GAS2: variants seen among roughly 807,000 people sequenced by gnomAD.
GAS2 encodes growth arrest specific 2, also known as growth arrest-specific protein 2.
GAS2 carries 20 observed loss-of-function variants against 37.5 expected under a neutral mutation model. The observed-to-expected ratio is 0.53, with a 90% CI of 0.37 to 0.77. The LOEUF is 0.77. Among genes scored for constraint, GAS2 ranks in the 30% least tolerant of loss-of-function variants. The probability of loss-of-function intolerance (pLI) is 0.00; values close to 1 mark genes in which losing one functional copy is unlikely to be tolerated. For missense variants in GAS2, 336 were observed against 373.4 expected, an observed-to-expected ratio of 0.90 and a Z score of 0.82; for synonymous variants, 144 against 132.2, an observed-to-expected ratio of 1.09 and a Z score of -0.61.
At chr11:22,633,665 T>C (rs1858777588) in intron 1 of GAS2, among the ~76,000 whole-genome samples, 1 of 151,912 alleles carries the variant, frequency 6.6e-6, no homozygotes, top group Admixed American at 6.6e-5. Context: ...TGGAGAAGCT[T>C]TCAGTGAAAT....
intron 2 of GAS2, among the ~76,000 whole-genome samples, chr11:22,685,151 G>A (rs1010867594): frequency 6.6e-6 from 1 of 151,970 alleles, no homozygotes; most frequent in African/African-American, 2.4e-5. Flanking sequence ...GCGTGACAGA[G>A]TACAATCCTG....
rs946435297 is a variant in GAS2 at position 22,691,784 on chromosome 11, A to G, written c.267+5995A>G. Among the ~76,000 whole-genome samples the G allele has an allele frequency of 6.6e-5, 10 of 152,210 alleles. 1 individual carries two copies. The highest frequency in any genetic ancestry group is 6.5e-5 in the Admixed American group (1 of 15,268). On this transcript the variant is annotated intron_variant, in intron 3 of 7. Coordinates refer to ENST00000454584, the MANE Select transcript of GAS2 (RefSeq NM_001143830.3). ...TCCTCAGGATTTGTAAAATATAGGT[A>G]AAATATATTTAAGCTTTAAATACAC...
intron 5 of GAS2, among the ~76,000 whole-genome samples, chr11:22,746,776 C>A (rs1565123646): frequency 6.6e-6 from 1 of 152,114 alleles, no homozygotes; most frequent in Non-Finnish European, 1.5e-5. Flanking sequence ...GTAATGGGAT[C>A]ATTTGTACCC....
At chr11:22,686,131 T>G (rs972809677) in intron 3 of GAS2, among the ~76,000 whole-genome samples, 1 of 152,142 alleles carries the variant, frequency 6.6e-6, no homozygotes, top group Non-Finnish European at 1.5e-5. Flanking sequence ...CCAAGAAAGA[T>G]TTACTGAATA....
At chr11:22,698,602 T>G (rs2134009838) in intron 3 of GAS2, among the ~76,000 whole-genome samples, 1 of 149,204 alleles carries the variant, frequency 6.7e-6, no homozygotes, top group South Asian at 2.2e-4. Context: ...TTGATGAATA[T>G]TGATGCAAAA....
At chr11:22,645,004 A>G (rs147880060) in intron 1 of GAS2, among the ~76,000 whole-genome samples, 8 of 152,246 alleles carry the variant, frequency 5.3e-5, no homozygotes, top group Non-Finnish European at 1.2e-4. Context: ...TATCTTATTG[A>G]TGCTGTACAT....
chr11:22,699,147 ATATTTTTCTGAGTCCTGACAACT>A (rs1476015541), intron 3 of GAS2, among the ~76,000 whole-genome samples: 1 of 152,162 alleles, frequency 6.6e-6, no homozygotes, highest in African/African-American at 2.4e-5. Flanking sequence ...CAAATATAAC[ATATTTTTCTGAGTCCTGACAACT>A]TAACTCCATA....
chr11:22,709,350 C>T (rs977944719), intron 3 of GAS2, among the ~76,000 whole-genome samples: 1 of 152,046 alleles, frequency 6.6e-6, no homozygotes, highest in Non-Finnish European at 1.5e-5. Flanking sequence ...ATAGTCAACT[C>T]TCCTCAGGGC....
chr11:22,755,774 G>T, intron 6 of GAS2, 72 bp from the exon 7 acceptor site: 1 of 1,032,514 alleles, frequency 9.7e-7, no homozygotes, highest in Non-Finnish European at 1.5e-6. Context: ...AGGGGCCGTG[G>T]AGTCCTTGGA....
intron 3 of GAS2, among the ~76,000 whole-genome samples, chr11:22,711,561 C>T (rs1429055226): frequency 6.6e-6 from 1 of 152,212 alleles, no homozygotes; most frequent in Non-Finnish European, 1.5e-5. Flanking sequence ...CAGGCCCAGG[C>T]CTGAGAGCCC....
intron 7 of GAS2, among the ~76,000 whole-genome samples, chr11:22,776,397 A>G (rs1054289789): frequency 6.6e-6 from 1 of 152,158 alleles, no homozygotes; most frequent in Non-Finnish European, 1.5e-5. Context: ...TAGTTTGCTG[A>G]CCCCTGACAT....
rs767258981 is a variant in GAS2, at chr11:22,685,730, C to T, written c.208C>T (p.Leu70Phe). 10 of 1,613,718 alleles carry T rather than the reference C, an allele frequency of 6.2e-6. No homozygotes were observed. Among genetic ancestry groups the T allele is most frequent in the Non-Finnish European group, 8.5e-6 (10 of 1,179,792 alleles). ...KLDNGALLCQLAETMQEKFKE... is the reference protein window; with the variant it reads ...KLDNGALLCQFAETMQEKFKE... ...GGACAATGGTGCCTTGCTCTGTCAA[C>T]TTGCAGAAACTATGCAGGAGAAATT... Residue 70 changes from leucine to phenylalanine, a missense_variant, in exon 3 of 8, where the codon CTT becomes TTT. Coordinates refer to ENST00000454584, the MANE Select transcript of GAS2 (RefSeq NM_001143830.3).
chr11:22,682,978 G>A (rs770357373), intron 2 of GAS2, among the ~76,000 whole-genome samples: 2 of 150,206 alleles, frequency 1.3e-5, no homozygotes, highest in African/African-American at 2.5e-5. Context: ...TTTTGGGCAT[G>A]CTACTTTCAT....
At position 22,672,208 on chromosome 11, in the gene GAS2, A is replaced by G. The variant is rs394778; in HGVS notation, c.-20-2642A>G. Among the ~76,000 whole-genome samples, 712 of 152,184 alleles carry G rather than the reference A, an allele frequency of 4.7e-3. 2 individuals are homozygous for G. Among genetic ancestry groups the G allele is most frequent in the African/African-American group, 0.017 (686 of 41,520 alleles). ...ACTGTGTTTTTGCTTTTTTCTCACCACTAAAATTTTGACTGTATACAAAGT... is the reference window on the plus strand; with the variant it reads ...ACTGTGTTTTTGCTTTTTTCTCACCGCTAAAATTTTGACTGTATACAAAGT... On this transcript the variant is annotated intron_variant, in intron 1 of 7. Transcript: ENST00000454584.
intron 2 of GAS2, among the ~76,000 whole-genome samples, chr11:22,677,515 GATTA>G (rs775989717): frequency 3.9e-5 from 6 of 152,298 alleles, no homozygotes; most frequent in Non-Finnish European, 8.8e-5. Context: ...GGAAGAGTAT[GATTA>G]ATTAGAGTAT....
upstream of GAS2, among the ~76,000 whole-genome samples, chr11:22,664,347 T>C (rs1050702544): frequency 2.6e-5 from 4 of 152,074 alleles, no homozygotes; most frequent in Non-Finnish European, 4.4e-5. Flanking sequence ...ACGTGTTTTA[T>C]TGATCATTTT....
At chr11:22,734,544 T>G (rs1852649490) in intron 4 of GAS2, among the ~76,000 whole-genome samples, 2 of 151,598 alleles carry the variant, frequency 1.3e-5, no homozygotes, top group Non-Finnish European at 3.0e-5. Flanking sequence ...AAAAAGTGCT[T>G]GCAGGGAAAA....
chr11:22,755,166 T>C (rs973741499), intron 6 of GAS2, among the ~76,000 whole-genome samples: 1 of 152,174 alleles, frequency 6.6e-6, no homozygotes, highest in African/African-American at 2.4e-5. Flanking sequence ...AGTGGGAGAA[T>C]AGATATAACA....
intron 7 of GAS2, among the ~76,000 whole-genome samples, chr11:22,763,950 GT>G (rs1854534749): frequency 6.6e-6 from 1 of 152,018 alleles, no homozygotes; most frequent in African/African-American, 2.4e-5. Flanking sequence ...ATTCTTTTAT[GT>G]TTTTGCTTCA....
Sources: gnomAD v4.1 joint callset for allele counts (sites outside exome capture counted in the v4.1 genomes callset) on GRCh38, gnomAD v4.1.1 for gene constraint, MANE v1.5 for transcripts, NCBI Gene and HGNC (gene_info 2026-07-23, HGNC 2026-07-21) for gene names.